Variants in MGA observed in about 807,000 individuals in gnomAD.
The protein encoded by MGA is MAX gene-associated protein.
MGA carries 40 observed loss-of-function variants against 261.1 expected under a neutral mutation model. The observed-to-expected ratio is 0.15, with a 90% CI of 0.12 to 0.20. MGA has a LOEUF of 0.20. MGA is among the 10% of genes least tolerant of loss of function. The pLI is 1.00. For missense variants in MGA, 3,397 were observed against 3,630.5 expected (o/e 0.94, Z 1.65); for synonymous variants, 1,302 against 1,290.6 (o/e 1.01, Z -0.19).
chr15:41,732,110 T>C (rs1223385246), intron 11 of MGA, among the ~76,000 whole-genome samples: 1 of 152,086 alleles, frequency 6.6e-6, no homozygotes, highest in African/African-American at 2.4e-5. Context: ...CTTTATTTAT[T>C]TATTTTAAAG....
chr15:41,663,816 A>T (rs761090199), intron 1 of MGA, among the ~76,000 whole-genome samples: 1 of 152,100 alleles, frequency 6.6e-6, no homozygotes, highest in Non-Finnish European at 1.5e-5. Context: ...CGGTTGGCTT[A>T]AGTAGACTTT....
Position 41,696,951 on chromosome 15 carries a change from G to T in MGA, c.1941G>T (p.Gly647=). The change falls in exon 3 of 24, where the codon GGG becomes GGT. Residue 647 remains glycine, a synonymous_variant. Coordinates refer to ENST00000219905, the MANE Select transcript of MGA (RefSeq NM_001164273.2). ...CAAAGAATACACCTGTAAGCCCTGG[G>T]AGTACCTTTCCAGATGTGAAGCCTG... 6.2e-7 allele frequency: 1 copy of T among 1,604,154 alleles called. No individual in the cohort carries two copies. Among genetic ancestry groups the T allele is most frequent in the South Asian group, 1.1e-5 (1 of 89,118 alleles).
At chr15:41,681,929 T>G (rs931201160) in intron 2 of MGA, among the ~76,000 whole-genome samples, 1 of 152,186 alleles carries the variant, frequency 6.6e-6, no homozygotes, top group African/African-American at 2.4e-5. Flanking sequence ...GTTTTTTTGT[T>G]TTTCCGAGAT....
chr15:41,730,342 G>C (rs2061447981), intron 11 of MGA, among the ~76,000 whole-genome samples: 2 of 152,008 alleles, frequency 1.3e-5, no homozygotes, highest in African/African-American at 4.8e-5. Flanking sequence ...GGGAGGCTGA[G>C]GCAGGAGAAT....
At chr15:41,718,305 A>T (rs34762695) in intron 9 of MGA, 1 of 185,986 alleles carries the variant, frequency 5.4e-6, no homozygotes, top group East Asian at 1.0e-4. Flanking sequence ...GTGTGTGTAT[A>T]TATATATATA....
rs749415161 is a variant in MGA at position 41,696,614 on chromosome 15, C to G, written c.1604C>G (p.Pro535Arg). ...GAAAATGGTCTTAGAAAACATTCACCAGATCTCAGAGTGGTACAAAAATAT... is the reference window on the plus strand; with the variant it reads ...GAAAATGGTCTTAGAAAACATTCACGAGATCTCAGAGTGGTACAAAAATAT... Residue 535 changes from proline to arginine, a missense_variant, in exon 3 of 24, where the codon CCA (proline) becomes CGA (arginine). This residue lies in a region of MGA where 563 missense variants were observed against 563.6 expected (regional missense o/e 1.00). Coordinates refer to ENST00000219905, the MANE Select transcript of MGA (RefSeq NM_001164273.2). The G allele has an allele frequency of 1.2e-6, 2 of 1,613,768 alleles. No homozygotes were observed.
chr15:41,676,283 A>G (rs1487629331), intron 2 of MGA, among the ~76,000 whole-genome samples: 4 of 152,090 alleles, frequency 2.6e-5, no homozygotes, highest in Non-Finnish European at 2.9e-5. Context: ...CCTGGGTTCA[A>G]GTGATTCTCC....
intron 12 of MGA, among the ~76,000 whole-genome samples, chr15:41,735,251 C>T (rs1416442056): frequency 6.6e-6 from 1 of 152,182 alleles, no homozygotes; most frequent in Non-Finnish European, 1.5e-5. Flanking sequence ...CCAGTACACT[C>T]ATTGGGAAGC....
intron 1 of MGA, among the ~76,000 whole-genome samples, chr15:41,653,083 G>A (rs796762381): frequency 2.0e-5 from 3 of 152,196 alleles, no homozygotes; most frequent in African/African-American, 7.2e-5. Context: ...TAAAACAGGT[G>A]TAGCTGGGCG....
intron 7 of MGA, among the ~76,000 whole-genome samples, chr15:41,709,427 A>T (rs943797956): frequency 1.3e-5 from 2 of 151,686 alleles, no homozygotes; most frequent in African/African-American, 2.4e-5. Flanking sequence ...TTTGTATCAC[A>T]CTCCAGGCAT....
intron 11 of MGA, among the ~76,000 whole-genome samples, chr15:41,730,138 C>T (rs769877728): frequency 6.6e-6 from 1 of 152,138 alleles, no homozygotes; most frequent in Non-Finnish European, 1.5e-5. Context: ...TGATGATCCA[C>T]CCACCTTGGC....
chr15:41,622,038 G>A (rs2140882494), intron 1 of MGA, among the ~76,000 whole-genome samples: 1 of 152,036 alleles, frequency 6.6e-6, no homozygotes, highest in Admixed American at 6.6e-5. Flanking sequence ...CGCGGGGTAG[G>A]GGGAGGGTGG....
At chr15:41,721,986 C>A (rs940746563) in intron 9 of MGA, among the ~76,000 whole-genome samples, 1 of 151,926 alleles carries the variant, frequency 6.6e-6, no homozygotes, top group Non-Finnish European at 1.5e-5. Flanking sequence ...AAATAACATA[C>A]CACAGTGAAA....
At chr15:41,765,403 A>G (rs1014811040) in intron 23 of MGA, among the ~76,000 whole-genome samples, 1 of 152,258 alleles carries the variant, frequency 6.6e-6, no homozygotes, top group Non-Finnish European at 1.5e-5. Context: ...CTCAGAGATG[A>G]TAACAGTCCT....
chr15:41,644,798 A>G (rs548626276), intron 1 of MGA, among the ~76,000 whole-genome samples: 1 of 152,228 alleles, frequency 6.6e-6, no homozygotes, highest in Non-Finnish European at 1.5e-5. Flanking sequence ...AGAAAGACCT[A>G]GAAAAGTTAA....
upstream of MGA, among the ~76,000 whole-genome samples, chr15:41,658,854 T>A (rs1352790598): frequency 6.6e-6 from 1 of 152,114 alleles, no homozygotes; most frequent in East Asian, 1.9e-4. Context: ...TTGGGTTAAC[T>A]TGTCTCTTTG....
At chr15:41,714,682 G>A (rs1188345936) in intron 9 of MGA, among the ~76,000 whole-genome samples, 4 of 152,228 alleles carry the variant, frequency 2.6e-5, no homozygotes, top group South Asian at 4.1e-4. Context: ...TAGTAGAGAC[G>A]GGGTTTCACC....
At chr15:41,764,743 C>CA (rs1179301489) in intron 22 of MGA, 143 bp from the exon 23 acceptor site, 15 of 776,854 alleles carry the variant, frequency 1.9e-5, no homozygotes, top group Non-Finnish European at 3.0e-5. Context: ...GGGGTCTCAC[C>CA]ATGTTTCCCA....
rs2151993445 is a variant in MGA, at chr15:41,760,474, T to A, written c.7343T>A (p.Ile2448Asn). Residue 2448 changes from isoleucine (I) to asparagine (N), a missense_variant, in exon 20 of 24, where the codon ATC becomes AAC. Physicochemically the swap from Ile to Asn is moderately radical, Grantham distance 149. Coordinates refer to ENST00000219905, the MANE Select transcript of MGA (RefSeq NM_001164273.2). ...AGGGATCTCTTTGAGAAATTAAAGATCACATTGGGATTACTTCATTCTTCC... is the reference window on the plus strand; with the variant it reads ...AGGGATCTCTTTGAGAAATTAAAGAACACATTGGGATTACTTCATTCTTCC... 1 of 1,614,012 alleles carries A rather than the reference T, an allele frequency of 6.2e-7. No homozygotes were observed. Among genetic ancestry groups the A allele is most frequent in the Non-Finnish European group, 8.5e-7 (1 of 1,179,886 alleles).
Sources: gnomAD v4.1 joint callset for allele counts (sites outside exome capture counted in the v4.1 genomes callset) on GRCh38, gnomAD v4.1.1 for gene constraint, gnomAD v4.1.1 regional missense constraint, MANE v1.5 for transcripts, NCBI Gene and HGNC (gene_info 2026-07-23, HGNC 2026-07-21) for gene names.